MCF2: variants seen among roughly 807,000 people sequenced by gnomAD.
MCF2 encodes MCF.2 cell line derived transforming sequence.
MCF2 carries 44 observed loss-of-function variants against 82.5 expected under a neutral mutation model. The ratio of observed to expected loss-of-function variants is 0.53; its 90% CI spans 0.42 to 0.69. The LOEUF is 0.69. Ranked by LOEUF, MCF2 falls within the 30% of genes least tolerant of loss-of-function variation. The pLI is 0.00. For synonymous variants in MCF2, 217 were observed against 224.9 expected, an observed-to-expected ratio of 0.96 and a Z score of 0.32; for missense variants, 623 against 663.1, an observed-to-expected ratio of 0.94 and a Z score of 0.66.
At chrX:139,587,604 T>G (rs1929089414) in intron 22 of MCF2, 112 bp downstream of exon 26, 2 of 517,813 alleles carry the variant, frequency 3.9e-6, no homozygotes, top group Admixed American at 6.3e-5. Context: ...GATGAGTTAT[T>G]GCTAAATTGG....
chrX:139,678,399 C>G lies in MCF2; in HGVS notation c.-44-26611G>C, dbSNP rs191701604. Among the ~76,000 whole-genome samples, 276 of 111,147 alleles carry G rather than the reference C, an allele frequency of 2.5e-3. 2 individuals carry two copies. The highest frequency in any genetic ancestry group is 3.4e-3 in the Non-Finnish European group (179 of 52,980). On this transcript the variant is annotated intron_variant, in intron 1 of 27. Transcript: ENST00000414978. Reference sequence around the variant, plus strand: ...AAAATATAGTATGATATCTGTGTAACCTATGGGTAGGATAGACTTTTTAAA... The same window carrying G: ...AAAATATAGTATGATATCTGTGTAAGCTATGGGTAGGATAGACTTTTTAAA...
intron 1 of MCF2, among the ~76,000 whole-genome samples, chrX:139,681,925 T>C (rs1001174445): frequency 3.6e-5 from 4 of 112,303 alleles, no homozygotes; most frequent in African/African-American, 9.7e-5. Context: ...TATTAGTTTA[T>C]GGGCATTTGT....
At chrX:139,613,160 A>G in intron 10 of MCF2, 56 bp downstream of exon 14, 1 of 911,285 alleles carries the variant, frequency 1.1e-6, no homozygotes, top group South Asian at 2.5e-5. Context: ...GGTTTTTCAC[A>G]TGTACACAAA....
intron 17 of MCF2, 37 bp from the exon 22 acceptor site, chrX:139,597,622 A>G (rs1934733005): frequency 9.4e-7 from 1 of 1,063,167 alleles, no homozygotes; most frequent in South Asian, 2.1e-5. Flanking sequence ...TTAGGCAGAT[A>G]TTAATATCTG....
At chrX:139,587,860 C>T (rs1363459667) in intron 21 of MCF2, 72 bp from the exon 26 acceptor site, 3 of 568,392 alleles carry the variant, frequency 5.3e-6, no homozygotes, top group Admixed American at 5.1e-5. Context: ...CAATGACTTT[C>T]TCTCTCTCAC....
chrX:139,678,451 A>C (rs965337379), intron 1 of MCF2, among the ~76,000 whole-genome samples: 5 of 111,876 alleles, frequency 4.5e-5, no homozygotes, highest in African/African-American at 1.6e-4. Context: ...AGAAAGCATA[A>C]AATAAAAAAA....
At chrX:139,666,010 AT>A (rs1368451259) in intron 1 of MCF2, among the ~76,000 whole-genome samples, 3 of 102,878 alleles carry the variant, frequency 2.9e-5, no homozygotes, top group African/African-American at 1.0e-4. Context: ...CACAAGGCAC[AT>A]GAGATATTTT....
chrX:139,592,205 G>GA (rs1929578903), intron 19 of MCF2, among the ~76,000 whole-genome samples: 1 of 111,680 alleles, frequency 9.0e-6, no homozygotes, highest in Non-Finnish European at 1.9e-5. Flanking sequence ...AACCAAAGAA[G>GA]AATCAGAAAG....
intron 1 of MCF2, among the ~76,000 whole-genome samples, chrX:139,703,659 T>C (rs192436304): frequency 9.0e-6 from 1 of 111,062 alleles, no homozygotes; most frequent in Admixed American, 9.5e-5. Flanking sequence ...TGCTTAAACC[T>C]AGGAGGTGGA....
At chrX:139,684,879 T>C (rs1009394132) in intron 1 of MCF2, among the ~76,000 whole-genome samples, 3 of 111,710 alleles carry the variant, frequency 2.7e-5, no homozygotes, top group African/African-American at 9.8e-5. Flanking sequence ...TTTGGGGTGA[T>C]GGGAATATTT....
At chrX:139,607,111 G>A (rs1931088680) in intron 12 of MCF2, 1 of 109,790 alleles carries the variant, frequency 9.1e-6, no homozygotes, top group Admixed American at 9.8e-5. Context: ...TTCGTATATC[G>A]AAATTTGCTG....
rs1271405279 is a variant in MCF2, at chrX:139,634,455, CA to C, written c.52-2002del. Among the ~76,000 whole-genome samples, 5 of 111,345 alleles carry C rather than the reference CA, an allele frequency of 4.5e-5. No homozygotes were observed. In the Admixed American group the frequency reaches 4.8e-4, roughly 11 times the overall value. ...CATAGACTCTTTGGGAAATGATGCT[CA>C]AAACTGGGGATTTTCCTAATTCAAT... On this transcript the variant is annotated intron_variant, in intron 1 of 24. Coordinates refer to ENST00000370576, the Ensembl canonical transcript of MCF2.
At chrX:139,696,330 CTTCT>C (rs1401424757) in intron 1 of MCF2, among the ~76,000 whole-genome samples, 28 of 39,017 alleles carry the variant, frequency 7.2e-4, no homozygotes, top group African/African-American at 2.4e-3. Context: ...TCCTTCCTTC[CTTCT>C]TTCTCTTCTC....
chrX:139,700,470 TTGATATTTTGGCATGACTGGA>T (rs1224594750), intron 1 of MCF2, among the ~76,000 whole-genome samples: 1 of 112,016 alleles, frequency 8.9e-6, no homozygotes, highest in African/African-American at 3.2e-5. Flanking sequence ...TAATAGAATA[TTGATATTTTGGCATGACTGGA>T]AATACCCTTG....
rs146654938 is a variant in MCF2 at position 139,681,761 on chromosome X, T to C, written c.-45+26345A>G. ...TTACTTGTTCACCATAATATCTCAATAGTGTCTAGCACACTGGAGGTGATC... is the reference window on the plus strand; with the variant it reads ...TTACTTGTTCACCATAATATCTCAACAGTGTCTAGCACACTGGAGGTGATC... On this transcript the variant is annotated intron_variant, in intron 1 of 27. Transcript: ENST00000414978. Among the ~76,000 whole-genome samples the C allele has an allele frequency of 2.8e-3, 316 of 111,984 alleles. 2 individuals are homozygous for C. Among genetic ancestry groups the C allele is most frequent in the African/African-American group, 9.6e-3 (296 of 30,833 alleles).
At chrX:139,597,504 A>T (rs374626307) in exon 18 of MCF2, 2 of 1,197,153 alleles carry the variant, frequency 1.7e-6, no homozygotes, top group African/African-American at 3.5e-5. Context: ...TCATTAACTG[A>T]CTTCAGTAAA....
Position 139,597,923 on chromosome X carries a change from CTCATAATGCAT to C in MCF2, c.1930-349_1930-339del, listed in dbSNP as rs752593910. Among the ~76,000 whole-genome samples the C allele has an allele frequency of 2.7e-5, 3 of 111,481 alleles. No individual in the cohort carries two copies. The Admixed American group carries it at 2.9e-4, about 11-fold the overall frequency. On this transcript the variant is annotated intron_variant, in intron 17 of 24. Transcript: ENST00000370576. ...AGTAATTTGTTTTAGCCATGATGCA[CTCATAATGCAT>C]ATAGCATAGAATATTATGAAAATTC...
intron 1 of MCF2, among the ~76,000 whole-genome samples, chrX:139,695,291 A>G (rs1277006786): frequency 2.7e-5 from 3 of 111,484 alleles, no homozygotes. Flanking sequence ...CGGCCTCCCA[A>G]AGTGTTGAGA....
At chrX:139,601,726 A>G (rs1034976801) in intron 16 of MCF2, among the ~76,000 whole-genome samples, 2 of 111,623 alleles carry the variant, frequency 1.8e-5, no homozygotes, top group African/African-American at 3.2e-5. Context: ...CAAGATCCCC[A>G]GATGACAGCT....
Sources: allele counts gnomAD v4.1 joint callset (sites outside exome capture counted in the v4.1 genomes callset), GRCh38; gene constraint gnomAD v4.1.1; transcripts MANE v1.5; gene names NCBI Gene and HGNC (gene_info 2026-07-23, HGNC 2026-07-21).